NIPSNAP2: variants seen among roughly 807,000 people sequenced by gnomAD.
NIPSNAP2 encodes the protein nipsnap homolog 2.
In NIPSNAP2, 42 loss-of-function variants were observed where a neutral mutation model predicts 48.4. The observed-to-expected ratio is 0.87, with a 90% CI of 0.68 to 1.12. The LOEUF is 1.12. Among genes scored for constraint, NIPSNAP2 ranks in the 50% most tolerant of loss-of-function variants. The pLI is 0.00. For missense variants in NIPSNAP2, 314 were observed against 347.3 expected (o/e 0.90, Z 0.76); for synonymous variants, 158 against 126.6 (o/e 1.25, Z -1.67).
intron 8 of NIPSNAP2, among the ~76,000 whole-genome samples, chr7:55,995,272 T>C (rs531102215): frequency 6.6e-5 from 10 of 152,064 alleles, no homozygotes; most frequent in Non-Finnish European, 1.0e-4. Flanking sequence ...CAAGAGTGCC[T>C]TCCACAGAGT....
intron 7 of NIPSNAP2, among the ~76,000 whole-genome samples, chr7:55,990,671 C>T (rs1408111161): frequency 1.3e-5 from 2 of 152,172 alleles, no homozygotes; most frequent in African/African-American, 2.4e-5. Context: ...GGGGAGGCCA[C>T]ATGGTGCTGA....
In NIPSNAP2 at chr7:55,991,765, A is replaced by AATATAT. The variant is rs1554344167; in HGVS notation, c.618-3117_618-3112dup. The AATATAT allele has an allele frequency of 5.6e-3, 834 of 149,950 alleles. 11 individuals are homozygous for AATATAT. The highest frequency in any genetic ancestry group is 0.036 in the South Asian group (222 of 6,180). The allele number at this position is 149,950 out of a possible 1,614,324, so 9.3% of individuals were successfully genotyped here. A position where few individuals can be genotyped will look rare whatever the true frequency, so the allele number is the denominator to read the frequency against. On this transcript the variant is annotated intron_variant, in intron 7 of 9. Transcript: ENST00000322090. ...CTCTGTCTCAAAAAAAAAAAAAAAA[A>AATATAT]ATATATATATATATATAATTTATAA...
chr7:55,984,007 G>T, intron 6 of NIPSNAP2, 139 bp downstream of exon 6: 2 of 266,856 alleles, frequency 7.5e-6, no homozygotes, highest in Non-Finnish European at 1.3e-5. Flanking sequence ...ATTTTTTTAA[G>T]ACTGGGTCTC....
chr7:55,973,776 C>G (rs1034467413), intron 1 of NIPSNAP2, among the ~76,000 whole-genome samples: 6 of 152,108 alleles, frequency 3.9e-5, no homozygotes, highest in African/African-American at 1.2e-4. Context: ...TGAGCCACCA[C>G]TCCCGGCCAA....
At position 55,978,415 on chromosome 7, in the gene NIPSNAP2, C is replaced by G; in HGVS notation, c.278+20C>G. ...AATTTGGTGTGTATACCAAACTATC[C>G]TTTACTTGGGGAAAAATAATGACTT... On this transcript the variant is annotated intron_variant, in intron 3 of 9. Coordinates refer to ENST00000322090, the MANE Select transcript of NIPSNAP2 (RefSeq NM_001483.3). 2 of 1,590,598 alleles carry G rather than the reference C, an allele frequency of 1.3e-6. No homozygotes were observed. Among genetic ancestry groups the G allele is most frequent in the Admixed American group, 1.8e-5 (1 of 56,096 alleles).
chr7:55,974,987 G>C (rs1054401040), intron 1 of NIPSNAP2, among the ~76,000 whole-genome samples: 6 of 151,980 alleles, frequency 3.9e-5, no homozygotes, highest in Non-Finnish European at 5.9e-5. Flanking sequence ...GGACATTTAT[G>C]CTGGCCCTTT....
intron 7 of NIPSNAP2, among the ~76,000 whole-genome samples, chr7:55,992,148 T>C (rs1297601793): frequency 6.6e-6 from 1 of 151,928 alleles, no homozygotes; most frequent in Non-Finnish European, 1.5e-5. Context: ...AGAAGTCCCT[T>C]TTTCACCATA....
chr7:55,981,235 T>C (rs1357091391), intron 3 of NIPSNAP2: 3 of 315,502 alleles, frequency 9.5e-6, no homozygotes, highest in Admixed American at 9.4e-5. Flanking sequence ...TTATACTGAT[T>C]GAACAACTCT....
At chr7:55,997,722 G>T (rs760355449) in intron 9 of NIPSNAP2, among the ~76,000 whole-genome samples, 33 of 152,018 alleles carry the variant, frequency 2.2e-4, no homozygotes, top group Non-Finnish European at 3.4e-4. Context: ...ACCTGTTTTT[G>T]TAGATTTCTA....
Position 55,999,861 on chromosome 7 carries a change from ACT to A in NIPSNAP2, c.*794_*795del, listed in dbSNP as rs1262673289. 1.3e-5 allele frequency: 2 copies of A among 152,620 alleles called. No individual in the cohort carries two copies. The highest frequency in any genetic ancestry group is 1.3e-4 in the Admixed American group (2 of 15,284). The allele number at this position is 152,620 out of a possible 1,614,324, so 9.5% of individuals were successfully genotyped here. The stretch of plus-strand genomic sequence containing the variant: ...TAAACGATCATTTGTGACCTCAGAC[ACT>A]CTCTGGCTAATATTTTAATAAGCTC... On this transcript the variant is annotated 3_prime_UTR_variant, in exon 10 of 10. Transcript: ENST00000322090.
At chr7:55,970,564 G>A (rs62456648) in intron 1 of NIPSNAP2, among the ~76,000 whole-genome samples, 27,274 of 151,754 alleles carry the variant, frequency 0.18, 2,847 homozygotes, top group Non-Finnish European at 0.23. Flanking sequence ...CGCCCACCTC[G>A]GCCTCTCAAA....
intron 7 of NIPSNAP2, among the ~76,000 whole-genome samples, chr7:55,988,779 C>A (rs565092576): frequency 4.6e-5 from 7 of 151,934 alleles, no homozygotes; most frequent in African/African-American, 1.7e-4. Context: ...GCAGGAGAAT[C>A]GCTTGAACCC....
chr7:55,973,510 G>C (rs1247659976), intron 1 of NIPSNAP2, among the ~76,000 whole-genome samples: 1 of 150,878 alleles, frequency 6.6e-6, no homozygotes, highest in Non-Finnish European at 1.5e-5. Flanking sequence ...GAGTCTTGCT[G>C]TGTAGCCCAG....
chr7:55,985,021 A>C (rs1333201771), intron 7 of NIPSNAP2, 143 bp downstream of exon 7: 3 of 616,420 alleles, frequency 4.9e-6, no homozygotes, highest in Non-Finnish European at 8.4e-6. Context: ...TTTTATTATG[A>C]GATTTTTCAA....
At chr7:55,996,202 A>T (rs144262317) in intron 8 of NIPSNAP2, among the ~76,000 whole-genome samples, 2 of 150,704 alleles carry the variant, frequency 1.3e-5, no homozygotes, top group African/African-American at 4.9e-5. Context: ...AGAAGAATCG[A>T]TTGAACTCAA....
chr7:55,982,174 T>G lies in NIPSNAP2; in HGVS notation c.374-36T>G. ...ATTTTCAAGTAGTAGTATCATGAAA[T>G]TCTAAACGTATACTGTCTTTTAAAA... On this transcript the variant is annotated intron_variant, in intron 4 of 9. Transcript: ENST00000322090. 2.9e-6 allele frequency: 4 copies of G among 1,380,874 alleles called. No individual in the cohort carries two copies. The South Asian group carries it at 4.7e-5, about 16-fold the overall frequency. 85.5% of individuals were successfully genotyped at this position (1,380,874 alleles called of 1,614,324 possible). A position where few individuals can be genotyped will look rare whatever the true frequency, so the allele number is the denominator to read the frequency against.
At chr7:55,984,624 CAGG>C (rs1000973212) in intron 6 of NIPSNAP2, among the ~76,000 whole-genome samples, 4 of 149,914 alleles carry the variant, frequency 2.7e-5, no homozygotes, top group South Asian at 2.1e-4. Flanking sequence ...GAGGCTGAGG[CAGG>C]AGAATTGCTT....
At position 55,981,466 on chromosome 7, in the gene NIPSNAP2, C is replaced by T; in HGVS notation, c.279-7C>T. The T allele has an allele frequency of 6.2e-7, 1 of 1,610,892 alleles. No individual in the cohort carries two copies. The highest frequency in any genetic ancestry group is 2.2e-5 in the East Asian group (1 of 44,838). ...TTTAATTAGTGTTGCTGTTTCTTCT[C>T]TTTAAGTCAAGAGGTGTTGCCAAAG... On this transcript the variant is annotated splice_region_variant and splice_polypyrimidine_tract_variant and intron_variant, in intron 3 of 9. Transcript: ENST00000322090.
At chr7:55,982,096 C>T in intron 4 of NIPSNAP2, 114 bp from the exon 5 acceptor site, 2 of 609,582 alleles carry the variant, frequency 3.3e-6, no homozygotes, top group South Asian at 2.0e-5. Flanking sequence ...CATGAGCCAC[C>T]ACACACCCAG....
Sources: gnomAD v4.1 joint callset for allele counts (sites outside exome capture counted in the v4.1 genomes callset) on GRCh38, gnomAD v4.1.1 for gene constraint, MANE v1.5 for transcripts, NCBI Gene and HGNC (gene_info 2026-07-23, HGNC 2026-07-21) for gene names.